Variants in SCUBE1 observed in about 807,000 individuals in gnomAD.
SCUBE1 encodes the protein signal peptide, CUB domain and EGF like domain containing 1.
SCUBE1 carries 59 observed loss-of-function variants against 124.4 expected under a neutral mutation model. That is an observed-to-expected ratio of 0.47 (90% CI 0.38 to 0.59). The LOEUF (loss-of-function observed/expected upper bound fraction) is 0.59. Among genes scored for constraint, SCUBE1 ranks in the 20% least tolerant of loss-of-function variants. The pLI, the probability that SCUBE1 is intolerant of heterozygous loss-of-function variation, is 0.00. For missense variants in SCUBE1, 1,150 were observed against 1,371.2 expected (o/e 0.84, Z 2.55); for synonymous variants, 545 against 550.9 (o/e 0.99, Z 0.15).
intron 12 of SCUBE1, among the ~76,000 whole-genome samples, chr22:43,222,411 G>A (rs894193526): frequency 2.0e-5 from 3 of 152,182 alleles, no homozygotes; most frequent in Non-Finnish European, 2.9e-5. Context: ...CCTCAGAGCC[G>A]GAAGGGCCCT....
At chr22:43,246,706 G>C in intron 6 of SCUBE1, among the ~76,000 whole-genome samples, 1 of 152,224 alleles carries the variant, frequency 6.6e-6, no homozygotes. Flanking sequence ...GCTCAACAGA[G>C]GGAAGCCTTG....
intron 2 of SCUBE1, among the ~76,000 whole-genome samples, chr22:43,336,782 G>A (rs1009446270): frequency 6.6e-6 from 1 of 152,164 alleles, no homozygotes; most frequent in Non-Finnish European, 1.5e-5. Flanking sequence ...TATATAAGTG[G>A]AGGTATCAGA....
chr22:43,231,957 C>T, intron 7 of SCUBE1, 82 bp from the exon 8 acceptor site: 1 of 1,550,192 alleles, frequency 6.5e-7, no homozygotes, highest in Non-Finnish European at 8.9e-7. Context: ...AGGCTAGCGG[C>T]AGGGGATGAC....
intron 6 of SCUBE1, among the ~76,000 whole-genome samples, chr22:43,246,044 A>C (rs1472929123): frequency 6.6e-6 from 1 of 152,134 alleles, no homozygotes; most frequent in African/African-American, 2.4e-5. Flanking sequence ...CACCAGGTGT[A>C]TGGAAGATGC....
At position 43,258,115 on chromosome 22, in the gene SCUBE1, T is replaced by C; in HGVS notation, c.727+104A>G. The C allele has an allele frequency of 1.2e-6, 1 of 839,616 alleles. No individual in the cohort carries two copies. Among genetic ancestry groups the C allele is most frequent in the Non-Finnish European group, 2.0e-6 (1 of 501,714 alleles). The allele number at this position is 839,616 out of a possible 1,614,324, so 52.0% of individuals were successfully genotyped here. On this transcript the variant is annotated intron_variant, in intron 6 of 21. Transcript: ENST00000360835. The surrounding 1 kb of genome is among the most constrained non-coding windows in gnomAD (Gnocchi z 5.0). ...TTTCCTTGTTTCCCTGAAGCTTCCT[T>C]CCGGGGAACCCGGACGTGGCAGGGT...
chr22:43,239,942 T>C (rs534876867), intron 6 of SCUBE1, among the ~76,000 whole-genome samples: 13 of 152,344 alleles, frequency 8.5e-5, no homozygotes, highest in African/African-American at 3.1e-4. Flanking sequence ...ACTCTGTTCC[T>C]GTGCTGTGGG....
Position 43,309,571 on chromosome 22 carries a change from T to C in SCUBE1, c.349+10366A>G, listed in dbSNP as rs77169889. 4.8e-3 allele frequency among the ~76,000 whole-genome samples: 734 copies of C among 152,284 alleles called. 3 individuals carry two copies. Among genetic ancestry groups the C allele is most frequent in the Admixed American group, 7.7e-3 (118 of 15,290 alleles). ...CTTCCAAAGCCATCTAGACGCCATG[T>C]AGAAACCCTCACATTTTCCCCCGGG... On this transcript the variant is annotated intron_variant, in intron 3 of 21. Transcript: ENST00000360835.
chr22:43,317,712 G>A (rs1013426507), intron 3 of SCUBE1, among the ~76,000 whole-genome samples: 1 of 152,204 alleles, frequency 6.6e-6, no homozygotes, highest in South Asian at 2.1e-4. Flanking sequence ...GTTCTTCTGT[G>A]ACAGACTTTG....
intron 8 of SCUBE1, 22 bp downstream of exon 8, chr22:43,231,731 C>T: frequency 1.9e-6 from 3 of 1,559,888 alleles, no homozygotes; most frequent in Non-Finnish European, 2.6e-6. Flanking sequence ...CGAGAGCCAC[C>T]CGGGGCATGG....
chr22:43,309,228 GCC>G (rs2146772843), intron 3 of SCUBE1, among the ~76,000 whole-genome samples: 1 of 152,348 alleles, frequency 6.6e-6, no homozygotes, highest in African/African-American at 2.4e-5. Flanking sequence ...TTGAGACCTT[GCC>G]CTGTGCTAGG....
intron 9 of SCUBE1, 114 bp from the exon 10 acceptor site, chr22:43,227,610 A>G: frequency 7.3e-7 from 1 of 1,361,748 alleles, no homozygotes; most frequent in Non-Finnish European, 1.0e-6. Flanking sequence ...CGAGTCGGAC[A>G]GCATCACGGG....
At chr22:43,324,071 C>T (rs950812180) in intron 2 of SCUBE1, among the ~76,000 whole-genome samples, 1 of 152,174 alleles carries the variant, frequency 6.6e-6, no homozygotes, top group African/African-American at 2.4e-5. Context: ...AAACGTCAGA[C>T]CTCCTAGTTA....
chr22:43,247,078 C>A (rs935587694), intron 6 of SCUBE1, among the ~76,000 whole-genome samples: 32 of 152,226 alleles, frequency 2.1e-4, no homozygotes, highest in African/African-American at 6.8e-4. Context: ...TGGCTCCGGG[C>A]TTCTTGTCTC....
intron 3 of SCUBE1, among the ~76,000 whole-genome samples, chr22:43,312,445 G>T (rs551246652): frequency 6.6e-6 from 1 of 152,286 alleles, no homozygotes; most frequent in South Asian, 2.1e-4. Flanking sequence ...TACAGGGAAG[G>T]CTGGCCCAGT....
intron 7 of SCUBE1, among the ~76,000 whole-genome samples, chr22:43,235,432 AGGGAG>A (rs1180902640): frequency 6.6e-6 from 1 of 152,182 alleles, no homozygotes; most frequent in Non-Finnish European, 1.5e-5. Flanking sequence ...AGTGCCCAGC[AGGGAG>A]GGCCAGCTGC....
At chr22:43,214,945 G>C (rs1921745472) in intron 15 of SCUBE1, among the ~76,000 whole-genome samples, 1 of 152,204 alleles carries the variant, frequency 6.6e-6, no homozygotes, top group African/African-American at 2.4e-5. Flanking sequence ...TGTGGAACGG[G>C]AGGCACTGGC....
intron 3 of SCUBE1, among the ~76,000 whole-genome samples, chr22:43,299,557 T>G (rs5759265): frequency 0.27 from 40,564 of 152,066 alleles, 7,174 homozygotes; most frequent in East Asian, 0.51. Flanking sequence ...GCACATGGTC[T>G]GCTTGGAGGA....
intron 10 of SCUBE1, among the ~76,000 whole-genome samples, chr22:43,226,549 C>T (rs916555123): frequency 1.4e-5 from 2 of 145,110 alleles, no homozygotes; most frequent in Non-Finnish European, 3.0e-5. Context: ...TGTCAGCTGG[C>T]GGCAGCCTTC....
intron 2 of SCUBE1, among the ~76,000 whole-genome samples, chr22:43,328,270 C>T (rs1326759298): frequency 6.7e-5 from 9 of 134,476 alleles, no homozygotes; most frequent in South Asian, 2.4e-4. Context: ...GAGCCGTTGG[C>T]GCGTGTGAGA....
Sources: gnomAD v4.1 joint callset for allele counts (sites outside exome capture counted in the v4.1 genomes callset) on GRCh38, gnomAD v4.1.1 for gene constraint, Gnocchi (gnomAD v3.1) non-coding constraint, MANE v1.5 for transcripts, NCBI Gene and HGNC (gene_info 2026-07-23, HGNC 2026-07-21) for gene names.